HTR2C: variants seen among roughly 807,000 people sequenced by gnomAD.
HTR2C encodes the protein 5-hydroxytryptamine (serotonin) receptor 2C, G protein-coupled.
Under a neutral mutation model 21.0 loss-of-function variants are expected in HTR2C, and 5 were observed. The ratio of observed to expected loss-of-function variants is 0.24; its 90% CI spans 0.12 to 0.50. The LOEUF is 0.50. Among genes scored for constraint, HTR2C ranks in the 20% least tolerant of loss-of-function variants. HTR2C has a pLI of 0.98. For missense variants in HTR2C, 271 were observed against 371.2 expected (o/e 0.73, Z 2.22); for synonymous variants, 150 against 145.3 (o/e 1.03, Z -0.23).
At chrX:114,862,090 T>C (rs1410232227) in intron 5 of HTR2C, among the ~76,000 whole-genome samples, 1 of 111,535 alleles carries the variant, frequency 9.0e-6, no homozygotes, top group Non-Finnish European at 1.9e-5. Flanking sequence ...CTTTATGTTC[T>C]CTTCTAAGAG....
At chrX:114,678,527 T>C (rs782511802) in intron 2 of HTR2C, among the ~76,000 whole-genome samples, 1 of 111,328 alleles carries the variant, frequency 9.0e-6, no homozygotes, top group Non-Finnish European at 1.9e-5. Flanking sequence ...AGATTGGCGA[T>C]TAGTAGGCAG....
intron 1 of HTR2C, among the ~76,000 whole-genome samples, chrX:114,598,291 T>G (rs1927945678): frequency 9.0e-6 from 1 of 111,519 alleles, no homozygotes. Flanking sequence ...AAACATAGAG[T>G]GGCCAAACCT....
At chrX:114,862,495 G>A (rs782180088) in intron 5 of HTR2C, among the ~76,000 whole-genome samples, 23 of 110,787 alleles carry the variant, frequency 2.1e-4, no homozygotes, top group African/African-American at 7.5e-4. Flanking sequence ...TTTTATTATT[G>A]CTTTTGCTAT....
At chrX:114,847,879 C>A in intron 4 of HTR2C, 124 bp from the exon 5 acceptor site, 1 of 489,294 alleles carries the variant, frequency 2.0e-6, no homozygotes. Flanking sequence ...GAAAATAATG[C>A]TTCCTAAATT....
intron 5 of HTR2C, among the ~76,000 whole-genome samples, chrX:114,865,071 A>C (rs1206742734): frequency 4.6e-5 from 5 of 107,710 alleles, no homozygotes; most frequent in African/African-American, 1.7e-4. Context: ...CATTTGTAAT[A>C]CTCCCCTCCC....
In HTR2C at chrX:114,849,777, A is replaced by G. The variant is rs782817144; in HGVS notation, c.550+1574A>G. 1.7e-4 allele frequency among the ~76,000 whole-genome samples: 19 copies of G among 112,196 alleles called. No homozygotes were observed. The South Asian group carries it at 4.4e-3, about 26-fold the overall frequency. On this transcript the variant is annotated intron_variant, in intron 5 of 5. Transcript: ENST00000276198. ...ATGATTTCGTATTATTCAGGTTTCCAATTTTGGGGCATAAACAAACAAAAA... is the reference window on the plus strand; with the variant it reads ...ATGATTTCGTATTATTCAGGTTTCCGATTTTGGGGCATAAACAAACAAAAA...
At chrX:114,820,663 G>A (rs1287498390) in intron 4 of HTR2C, among the ~76,000 whole-genome samples, 1 of 110,082 alleles carries the variant, frequency 9.1e-6, no homozygotes, top group Non-Finnish European at 1.9e-5. Flanking sequence ...AGTCTCATGA[G>A]ATCTCATGAG....
intron 4 of HTR2C, among the ~76,000 whole-genome samples, chrX:114,756,298 CA>C (rs1556430232): frequency 8.9e-6 from 1 of 111,786 alleles, no homozygotes; most frequent in Non-Finnish European, 1.9e-5. Context: ...CAGTTTATTA[CA>C]AACCTAAACA....
Position 114,819,786 on chromosome X carries a change from T to C in HTR2C, c.350-28217T>C, listed in dbSNP as rs781909299. On this transcript the variant is annotated intron_variant, in intron 4 of 5. Coordinates refer to ENST00000276198, the MANE Select transcript of HTR2C (RefSeq NM_000868.4). ...CAGCCTAGTCAGCAGCTGGTGGAACTGAAAATTGTTTTAATATCACTTGTT... is the reference window on the plus strand; with the variant it reads ...CAGCCTAGTCAGCAGCTGGTGGAACCGAAAATTGTTTTAATATCACTTGTT... Among the ~76,000 whole-genome samples the C allele has an allele frequency of 2.7e-5, 3 of 112,385 alleles. No individual in the cohort carries two copies. In the Admixed American group the frequency reaches 2.8e-4, roughly 11 times the overall value.
chrX:114,702,229 G>A (rs1486337010), intron 2 of HTR2C, among the ~76,000 whole-genome samples: 4 of 108,544 alleles, frequency 3.7e-5, no homozygotes, highest in Admixed American at 2.0e-4. Context: ...GATACTCCTC[G>A]AGAAAAGCAA....
intron 4 of HTR2C, among the ~76,000 whole-genome samples, chrX:114,806,596 T>C (rs370220847): frequency 9.2e-5 from 5 of 54,238 alleles, no homozygotes; most frequent in South Asian, 9.2e-4. Flanking sequence ...ATCATATATA[T>C]CATATATACA....
chrX:114,728,368 T>C (rs1556422548), intron 3 of HTR2C, among the ~76,000 whole-genome samples: 1 of 111,058 alleles, frequency 9.0e-6, no homozygotes, highest in African/African-American at 3.3e-5. Context: ...TACTCCTCTT[T>C]TGTAAAAGGA....
intron 1 of HTR2C, among the ~76,000 whole-genome samples, chrX:114,590,773 T>C (rs782591149): frequency 8.9e-6 from 1 of 111,791 alleles, no homozygotes; most frequent in East Asian, 2.8e-4. Context: ...TACCACACTG[T>C]TTTATTTTCC....
chrX:114,869,013 C>T (rs2071070175), intron 5 of HTR2C, among the ~76,000 whole-genome samples: 1 of 109,477 alleles, frequency 9.1e-6, no homozygotes, highest in Non-Finnish European at 1.9e-5. Flanking sequence ...CCTGACAGGC[C>T]CCAGTGAGTG....
chrX:114,699,351 A>C (rs5988084), intron 2 of HTR2C, among the ~76,000 whole-genome samples: 1,315 of 111,286 alleles, frequency 0.012, 14 homozygotes, highest in African/African-American at 0.041. Context: ...TGACCAACCA[A>C]TCAAAATTAA....
intron 5 of HTR2C, among the ~76,000 whole-genome samples, chrX:114,903,163 T>G (rs1158657392): frequency 1.8e-5 from 2 of 111,830 alleles, no homozygotes; most frequent in African/African-American, 6.5e-5. Flanking sequence ...AAGTATTGAA[T>G]AAGACAGTGT....
intron 4 of HTR2C, among the ~76,000 whole-genome samples, chrX:114,806,818 C>A (rs990696997): frequency 1.0e-5 from 1 of 98,635 alleles, no homozygotes; most frequent in Admixed American, 1.2e-4. Context: ...CATATATATA[C>A]TGTATATATA....
At position 114,702,439 on chromosome X, in the gene HTR2C, A is replaced by T. The variant is rs1932563274; in HGVS notation, c.-79-24419A>T. Among the ~76,000 whole-genome samples, 4 of 100,587 alleles carry T rather than the reference A, an allele frequency of 4.0e-5. No homozygotes were observed. The South Asian group carries it at 1.9e-3, about 48-fold the overall frequency. The allele number at this position is 100,587 out of a possible 115,157, so 87.3% of individuals were successfully genotyped here. ...TTAAAGAAAAGAATTTTCAACCCAG[A>T]ATTTCCTATCCAGCCAAACTAAGCT... is the stretch of plus-strand genomic sequence containing the variant. On this transcript the variant is annotated intron_variant, in intron 2 of 5. Coordinates refer to ENST00000276198, the MANE Select transcript of HTR2C (RefSeq NM_000868.4).
At chrX:114,720,561 A>G (rs1275218990) in intron 2 of HTR2C, among the ~76,000 whole-genome samples, 1 of 97,707 alleles carries the variant, frequency 1.0e-5, no homozygotes, top group Non-Finnish European at 2.0e-5. Flanking sequence ...ACATGTGCAC[A>G]TTGTGCAGGT....
Sources: allele counts gnomAD v4.1 joint callset (sites outside exome capture counted in the v4.1 genomes callset), GRCh38; gene constraint gnomAD v4.1.1; transcripts MANE v1.5; gene names NCBI Gene and HGNC (gene_info 2026-07-23, HGNC 2026-07-21).